ASPRV1: variants seen among roughly 807,000 people sequenced by gnomAD.
ASPRV1 encodes the protein aspartic peptidase retroviral like 1, also known as retroviral-like aspartic protease 1.
Under a neutral mutation model 11.0 loss-of-function variants are expected in ASPRV1, and 7 were observed. The observed-to-expected ratio is 0.64, with a 90% CI of 0.36 to 1.20. ASPRV1 has a LOEUF of 1.20. Ranked by LOEUF, ASPRV1 falls within the 50% of genes most tolerant of loss-of-function variation. ASPRV1 has a pLI of 0.02. For synonymous variants in ASPRV1, 136 were observed against 138.4 expected, an observed-to-expected ratio of 0.98 and a Z score of 0.12; for missense variants, 299 against 320.0, an observed-to-expected ratio of 0.93 and a Z score of 0.50.
At chr2:69,936,590 A>G in the ASPRV1 span, among the ~76,000 whole-genome samples, 1 of 152,236 alleles carries the variant, frequency 6.6e-6, no homozygotes, top group African/African-American at 2.4e-5. Context: ...ATTTAAAGCA[A>G]AACAGCTACA....
At chr2:69,965,822 C>T (rs1357897374), upstream of ASPRV1, among the ~76,000 whole-genome samples, 1 of 152,210 alleles carries the variant, frequency 6.6e-6, no homozygotes, top group Non-Finnish European at 1.5e-5. Flanking sequence ...TGCCAAACCT[C>T]CTCAACATGA....
the ASPRV1 span, among the ~76,000 whole-genome samples, chr2:69,987,310 C>G: frequency 6.6e-6 from 1 of 152,074 alleles, no homozygotes; most frequent in African/African-American, 2.4e-5. Context: ...CTTCTCCTAT[C>G]CCTCATCCCT....
chr2:70,083,887 G>A, the ASPRV1 span, among the ~76,000 whole-genome samples: 1 of 152,210 alleles, frequency 6.6e-6, no homozygotes, highest in Non-Finnish European at 1.5e-5. Context: ...AGAAGTCTCA[G>A]AGCTAGACAG....
the ASPRV1 span, among the ~76,000 whole-genome samples, chr2:70,052,639 C>G: frequency 1.4e-4 from 21 of 152,180 alleles, no homozygotes; most frequent in Non-Finnish European, 2.8e-4. Flanking sequence ...TTCTTTATTT[C>G]TCTAATCCTT....
chr2:70,000,788 CAAAAAAAAAAAAAAAAAA>C, the ASPRV1 span, among the ~76,000 whole-genome samples: 4 of 42,050 alleles, frequency 9.5e-5, no homozygotes, highest in African/African-American at 1.8e-4. Flanking sequence ...GACCCTGCCT[CAAAAAAAAAAAAAAAAAA>C]AAAAAAAAAA....
the ASPRV1 span, among the ~76,000 whole-genome samples, chr2:69,991,981 C>T: frequency 6.6e-6 from 1 of 152,196 alleles, no homozygotes; most frequent in South Asian, 2.1e-4. Context: ...GGGGCTCTGG[C>T]CAACCTGGAT....
At chr2:69,979,326 C>T in the ASPRV1 span, among the ~76,000 whole-genome samples, 1 of 152,240 alleles carries the variant, frequency 6.6e-6, no homozygotes, top group Admixed American at 6.5e-5. Flanking sequence ...AGCCACCACG[C>T]CCGGCCAGGG....
the ASPRV1 span, among the ~76,000 whole-genome samples, chr2:70,007,764 G>C: frequency 1.3e-4 from 19 of 151,980 alleles, no homozygotes; most frequent in Non-Finnish European, 2.5e-4. Context: ...CTAGGGAGTG[G>C]GACTGGAGGA....
chr2:70,024,364 C>T, the ASPRV1 span, among the ~76,000 whole-genome samples: 1 of 152,150 alleles, frequency 6.6e-6, no homozygotes, highest in Non-Finnish European at 1.5e-5. Flanking sequence ...TCATTAGTTG[C>T]AGTCTTCTGT....
the ASPRV1 span, among the ~76,000 whole-genome samples, chr2:69,999,899 C>T: frequency 1.3e-5 from 2 of 151,980 alleles, no homozygotes; most frequent in Non-Finnish European, 2.9e-5. Flanking sequence ...TCCTTCCTCC[C>T]TCTCCCACCC....
At chr2:69,942,429 C>T in the ASPRV1 span, 3 of 152,126 alleles carry the variant, frequency 2.0e-5, no homozygotes, top group African/African-American at 7.2e-5. Context: ...AATTGACAGG[C>T]ACTGCTAGAT....
the ASPRV1 span, among the ~76,000 whole-genome samples, chr2:70,021,324 T>C: frequency 6.6e-6 from 1 of 151,542 alleles, no homozygotes; most frequent in East Asian, 1.9e-4. Flanking sequence ...TAAATTCTTT[T>C]TTTTTTTTTT....
the ASPRV1 span, among the ~76,000 whole-genome samples, chr2:70,019,867 A>C: frequency 2.0e-5 from 3 of 152,192 alleles, no homozygotes; most frequent in Admixed American, 6.6e-5. Context: ...GTTAGTAACA[A>C]TATATTGTAT....
At chr2:69,967,592 A>T in the ASPRV1 span, among the ~76,000 whole-genome samples, 2 of 152,190 alleles carry the variant, frequency 1.3e-5, no homozygotes, top group African/African-American at 4.8e-5. Flanking sequence ...GGTAAAATGG[A>T]AACAGTGTCT....
the ASPRV1 span, among the ~76,000 whole-genome samples, chr2:70,009,346 T>A: frequency 2.3e-5 from 2 of 87,584 alleles, no homozygotes; most frequent in African/African-American, 1.4e-4. Context: ...TTATTTATTT[T>A]AGAGATGGAG....
At chr2:70,052,985 CAG>C in the ASPRV1 span, among the ~76,000 whole-genome samples, 6 of 152,162 alleles carry the variant, frequency 3.9e-5, no homozygotes, top group African/African-American at 1.4e-4. Flanking sequence ...GCAGAAATGA[CAG>C]AGTCAAGCCC....
the ASPRV1 span, among the ~76,000 whole-genome samples, chr2:70,040,712 T>TA: frequency 2.0e-5 from 3 of 151,994 alleles, no homozygotes; most frequent in Non-Finnish European, 2.9e-5. Flanking sequence ...CAGGCCCCTG[T>TA]AATCTGACCT....
chr2:70,012,414 A>G, the ASPRV1 span, among the ~76,000 whole-genome samples: 3 of 152,200 alleles, frequency 2.0e-5, no homozygotes, highest in South Asian at 4.1e-4. Flanking sequence ...TCGGCCTCCC[A>G]AAGTGCTGGG....
the ASPRV1 span, among the ~76,000 whole-genome samples, chr2:69,987,700 T>C: frequency 6.6e-6 from 1 of 152,090 alleles, no homozygotes; most frequent in African/African-American, 2.4e-5. Flanking sequence ...TAGTGAGCTA[T>C]GATCTTGCCA....
Sources: gnomAD v4.1 joint callset for allele counts (sites outside exome capture counted in the v4.1 genomes callset) on GRCh38, gnomAD v4.1.1 for gene constraint, MANE v1.5 for transcripts, NCBI Gene and HGNC (gene_info 2026-07-23, HGNC 2026-07-21) for gene names.